DCTD: variants seen among roughly 807,000 people sequenced by gnomAD.
The protein encoded by DCTD is dCMP deaminase.
In DCTD, 23 loss-of-function variants were observed where a neutral mutation model predicts 21.0. That is an observed-to-expected ratio of 1.09 (90% confidence interval 0.79 to 1.55). The LOEUF (loss-of-function observed/expected upper bound fraction) is 1.55. Among genes scored for constraint, DCTD ranks in the 40% most tolerant of loss-of-function variants. DCTD has a pLI of 0.00. For missense variants in DCTD, 224 were observed against 230.0 expected, an observed-to-expected ratio of 0.97 and a Z score of 0.17; for synonymous variants, 71 against 81.1, an observed-to-expected ratio of 0.88 and a Z score of 0.67.
At chr4:182,908,476 G>A (rs1424017414) in intron 3 of DCTD, among the ~76,000 whole-genome samples, 1 of 152,086 alleles carries the variant, frequency 6.6e-6, no homozygotes, top group East Asian at 1.9e-4. Context: ...GAGGTCAGGA[G>A]TTTGAGACCA....
chr4:182,893,189 C>G, intron 4 of DCTD, 62 bp from the exon 5 acceptor site: 1 of 984,680 alleles, frequency 1.0e-6, no homozygotes, highest in Non-Finnish European at 1.6e-6. Context: ...AAAAGACAGG[C>G]GGAAGCAGCT....
chr4:182,891,508 C>G, intron 5 of DCTD, 31 bp from the exon 6 acceptor site: 1 of 1,452,978 alleles, frequency 6.9e-7, no homozygotes, highest in South Asian at 1.1e-5. Flanking sequence ...CAATTATTAT[C>G]TGGTGAGTAG....
chr4:182,893,118 T>A lies in DCTD; in HGVS notation c.371A>T (p.Glu124Val), dbSNP rs1579655125. 1.2e-6 allele frequency: 2 copies of A among 1,600,254 alleles called. No homozygotes were observed. Among genetic ancestry groups the A allele is most frequent in the Admixed American group, 3.4e-5 (2 of 59,670 alleles). ...GTATTTATCAGACATGAAAATCACTTCTTTTATACCTGTAAGGTAACAATG... is the reference window on the plus strand; with the variant it reads ...GTATTTATCAGACATGAAAATCACTACTTTTATACCTGTAAGGTAACAATG... ...AKLIIQAGIK[E>V]VIFMSDKYHD... Residue 124 changes from glutamate to valine, a missense_variant, in exon 5 of 6, where the codon GAA becomes GTA. Glu to Val is a moderately radical substitution (Grantham distance 121). Transcript: ENST00000438320.
intron 5 of DCTD, 102 bp from the exon 6 acceptor site, chr4:182,891,579 T>C: frequency 1.3e-6 from 1 of 776,400 alleles, no homozygotes; most frequent in Non-Finnish European, 2.2e-6. Context: ...AAATATGTCC[T>C]GGGATTCACT....
intron 3 of DCTD, among the ~76,000 whole-genome samples, chr4:182,914,641 T>C (rs1052604184): frequency 4.6e-5 from 7 of 152,110 alleles, no homozygotes; most frequent in Non-Finnish European, 1.0e-4. Context: ...AGTGCACTGG[T>C]GTGGTGCAGG....
intron 3 of DCTD, among the ~76,000 whole-genome samples, chr4:182,902,731 G>T (rs1256108463): frequency 6.6e-6 from 1 of 151,930 alleles, no homozygotes; most frequent in Non-Finnish European, 1.5e-5. Flanking sequence ...AACAGGGCTG[G>T]GTGTGTGGGC....
At chr4:182,911,422 A>G (rs1157623072) in intron 3 of DCTD, 1 of 152,212 alleles carries the variant, frequency 6.6e-6, no homozygotes, top group Non-Finnish European at 1.5e-5. Flanking sequence ...GGCTTTCTGC[A>G]TGATGCCGGA....
In DCTD at chr4:182,891,408, C is replaced by G. The variant is rs867054774; in HGVS notation, c.528G>C (p.Lys176Asn). 2.7e-5 allele frequency: 43 copies of G among 1,608,172 alleles called. 1 individual carries two copies. In the Middle Eastern group the frequency reaches 6.4e-3, roughly 241 times the overall value. The change falls in exon 6 of 6, where the codon AAG becomes AAC. Residue 176 changes from lysine (K) to asparagine (N), a missense_variant. By Grantham distance (94) the Lys-to-Asn change is moderately conservative. Transcript: ENST00000438320. ...TTGAATGAGATGTAACTCACTGAAG[C>G]TTTTGACTCGGTCTGCTGTTAATTG... ...FDSINSRPSQ[K>N]LQ is the part of the protein sequence containing the mutation.
At chr4:182,907,746 A>G (rs1460123535) in intron 3 of DCTD, among the ~76,000 whole-genome samples, 3 of 152,242 alleles carry the variant, frequency 2.0e-5, no homozygotes, top group African/African-American at 7.2e-5. Context: ...AGAAAAAGAT[A>G]CTAATCTAAT....
chr4:182,917,076 G>C lies in DCTD; in HGVS notation c.-8+235C>G, dbSNP rs939935128. The C allele has an allele frequency of 1.8e-5, 18 of 980,842 alleles. No homozygotes were observed. Among genetic ancestry groups the C allele is most frequent in the Middle Eastern group, 1.0e-3 (2 of 1,944 alleles). The allele number at this position is 980,842 out of a possible 1,614,324, so 60.8% of individuals were successfully genotyped here. Reference sequence around the variant, plus strand: ...ACTCCAAGGGGCCCGGCCTCGCACAGGCCGCGGCGCCCGCCGAGAAATCGA... The same window carrying C: ...ACTCCAAGGGGCCCGGCCTCGCACACGCCGCGGCGCCCGCCGAGAAATCGA... On this transcript the variant is annotated intron_variant, in intron 1 of 5. Coordinates refer to ENST00000438320, the MANE Select transcript of DCTD (RefSeq NM_001921.3). This position sits in a 1 kb window ranked among gnomAD's most constrained non-coding sequence, Gnocchi z 4.9.
At position 182,913,477 on chromosome 4, in the gene DCTD, A is replaced by C. The variant is rs572643808; in HGVS notation, c.244+1446T>G. 2.0e-5 allele frequency among the ~76,000 whole-genome samples: 3 copies of C among 152,368 alleles called. No individual in the cohort carries two copies. The East Asian group carries it at 5.8e-4, about 29-fold the overall frequency. Reference sequence around the variant, plus strand: ...CCCTAGGCAATTTAGAAAGAAATTTATGGGGCTTATTTAACATGATTGAGG... The same window carrying C: ...CCCTAGGCAATTTAGAAAGAAATTTCTGGGGCTTATTTAACATGATTGAGG... On this transcript the variant is annotated intron_variant, in intron 3 of 5. Transcript: ENST00000438320.
intron 3 of DCTD, among the ~76,000 whole-genome samples, chr4:182,899,679 G>A (rs891984708): frequency 2.0e-5 from 3 of 152,114 alleles, no homozygotes; most frequent in East Asian, 3.9e-4. Context: ...GGGATTACAG[G>A]CATGAGCCAC....
intron 3 of DCTD, among the ~76,000 whole-genome samples, chr4:182,896,948 T>C (rs1263300335): frequency 1.3e-5 from 2 of 152,162 alleles, no homozygotes; most frequent in Admixed American, 6.5e-5. Flanking sequence ...ATCAGAAATA[T>C]GCTCTCCCAT....
chr4:182,914,165 G>C lies in DCTD; in HGVS notation c.244+758C>G, dbSNP rs183910053. On this transcript the variant is annotated intron_variant, in intron 3 of 5. Transcript: ENST00000438320. ...TGAGATTACAGGCACCTGCCACCAC[G>C]CACAGCTAATTTTTGTATTTTTAGT... is the stretch of plus-strand genomic sequence containing the variant. Among the ~76,000 whole-genome samples, 1,108 of 152,146 alleles carry C rather than the reference G, an allele frequency of 7.3e-3. 12 individuals carry two copies. Among genetic ancestry groups the C allele is most frequent in the Non-Finnish European group, 0.013 (858 of 68,000 alleles).
At chr4:182,903,705 G>T (rs1255994593) in intron 3 of DCTD, among the ~76,000 whole-genome samples, 1 of 151,988 alleles carries the variant, frequency 6.6e-6, no homozygotes, top group East Asian at 1.9e-4. Flanking sequence ...CCACAGCCCA[G>T]GGCCCTGAAA....
chr4:182,895,486 G>A (rs1734579469), intron 3 of DCTD, among the ~76,000 whole-genome samples: 1 of 152,236 alleles, frequency 6.6e-6, no homozygotes, highest in South Asian at 2.1e-4. Context: ...ACCTGCCTGA[G>A]TTCAGAGTCA....
intron 3 of DCTD, among the ~76,000 whole-genome samples, chr4:182,912,793 T>C (rs1202412515): frequency 6.6e-6 from 1 of 152,178 alleles, no homozygotes; most frequent in Non-Finnish European, 1.5e-5. Flanking sequence ...TGCTTAAAGA[T>C]CTGCTGGGGG....
intron 3 of DCTD, among the ~76,000 whole-genome samples, chr4:182,900,463 GA>G (rs1167634066): frequency 1.3e-5 from 2 of 152,110 alleles, no homozygotes; most frequent in African/African-American, 2.4e-5. Context: ...TTGCCTGGAT[GA>G]ACTGCAGCAA....
At chr4:182,908,682 C>CAAAAAAAAAAAAAA (rs34915632) in intron 3 of DCTD, among the ~76,000 whole-genome samples, 3 of 63,738 alleles carry the variant, frequency 4.7e-5, no homozygotes, top group Non-Finnish European at 5.9e-5. Flanking sequence ...GACTCTGTCT[C>CAAAAAAAAAAAAAA]AAAAAAAAAA....
Sources: gnomAD v4.1 joint callset for allele counts (sites outside exome capture counted in the v4.1 genomes callset) on GRCh38, gnomAD v4.1.1 for gene constraint, Gnocchi (gnomAD v3.1) non-coding constraint, MANE v1.5 for transcripts, NCBI Gene and HGNC (gene_info 2026-07-23, HGNC 2026-07-21) for gene names.